The following PSIP1 variants were observed in gnomAD, a reference collection of about 807,000 sequenced individuals.
PSIP1 encodes PC4 and SFRS1-interacting protein.
Under a neutral mutation model 74.7 loss-of-function variants are expected in PSIP1, and 19 were observed. The observed-to-expected ratio is 0.25, with a 90% CI of 0.18 to 0.37. PSIP1 has a LOEUF of 0.37. PSIP1 is among the 10% of genes least tolerant of loss of function. The pLI is 1.00. For synonymous variants in PSIP1, 222 were observed against 195.3 expected, an observed-to-expected ratio of 1.14 and a Z score of -1.14; for missense variants, 601 against 614.3, an observed-to-expected ratio of 0.98 and a Z score of 0.23.
intron 14 of PSIP1, chr9:15,468,388 T>A (rs772288114): frequency 1.4e-6 from 1 of 708,528 alleles, no homozygotes; most frequent in South Asian, 1.4e-5. Context: ...TTATCCAGAG[T>A]CATCTGCCTC....
chr9:15,474,657 A>G (rs573282511), intron 8 of PSIP1, among the ~76,000 whole-genome samples: 1 of 152,300 alleles, frequency 6.6e-6, no homozygotes, highest in African/African-American at 2.4e-5. Context: ...GCACCTAAGT[A>G]TTCCCATCAC....
intron 6 of PSIP1, among the ~76,000 whole-genome samples, chr9:15,483,064 C>T (rs1459692011): frequency 6.6e-6 from 1 of 152,148 alleles, no homozygotes; most frequent in African/African-American, 2.4e-5. Flanking sequence ...AACCTTTCCC[C>T]CTCTCCATTA....
At chr9:15,468,570 AAGC>A in intron 14 of PSIP1, 57 bp downstream of exon 14, 1 of 1,544,908 alleles carries the variant, frequency 6.5e-7, no homozygotes, top group Non-Finnish European at 8.9e-7. Flanking sequence ...CCATTTTTAA[AAGC>A]AGTCCTGGCA....
At chr9:15,484,690 G>A (rs2036482477) in intron 6 of PSIP1, among the ~76,000 whole-genome samples, 1 of 151,610 alleles carries the variant, frequency 6.6e-6, no homozygotes, top group African/African-American at 2.4e-5. Context: ...TGGCGCCACT[G>A]CACTTCAGCT....
In PSIP1 at chr9:15,491,724, C is replaced by T. The variant is rs960350725; in HGVS notation, c.150-1600G>A. On this transcript the variant is annotated intron_variant, in intron 3 of 15. Transcript: ENST00000380733. Reference sequence around the variant, plus strand: ...CTATAGGTGTGTTAGTCCATTCTCACGCTGCTATGAAGAAATACCAGAGAC... The same window carrying T: ...CTATAGGTGTGTTAGTCCATTCTCATGCTGCTATGAAGAAATACCAGAGAC... 1.5e-4 allele frequency among the ~76,000 whole-genome samples: 23 copies of T among 152,136 alleles called. 1 individual carries two copies. The highest frequency in any genetic ancestry group is 4.8e-4 in the African/African-American group (20 of 41,418).
chr9:15,482,690 G>C (rs1245380272), intron 6 of PSIP1, among the ~76,000 whole-genome samples: 1 of 152,086 alleles, frequency 6.6e-6, no homozygotes. Context: ...ATTTTGCAGA[G>C]AAAAAGTGTT....
chr9:15,499,197 T>A (rs763742129), intron 3 of PSIP1, among the ~76,000 whole-genome samples: 6 of 152,204 alleles, frequency 3.9e-5, no homozygotes, highest in Non-Finnish European at 8.8e-5. Flanking sequence ...GACTTTCCTT[T>A]AACCATTGTA....
chr9:15,490,715 A>T (rs1193101316), intron 3 of PSIP1, among the ~76,000 whole-genome samples: 1 of 151,642 alleles, frequency 6.6e-6, no homozygotes, highest in Non-Finnish European at 1.5e-5. Context: ...AGGTTAATTC[A>T]ATAAATTTGG....
chr9:15,470,375 G>A (rs540952419), intron 10 of PSIP1, among the ~76,000 whole-genome samples: 9 of 152,174 alleles, frequency 5.9e-5, no homozygotes, highest in Admixed American at 2.6e-4. Context: ...CATGTAACAA[G>A]CAGATTAATG....
chr9:15,501,048 T>C (rs1013004200), intron 3 of PSIP1, among the ~76,000 whole-genome samples: 5 of 152,200 alleles, frequency 3.3e-5, no homozygotes, highest in African/African-American at 1.2e-4. Flanking sequence ...ATTCATGTCA[T>C]GTCTTATTTG....
chr9:15,473,821 A>G (rs2035946068), intron 9 of PSIP1, among the ~76,000 whole-genome samples, 188 bp downstream of exon 9: 1 of 151,894 alleles, frequency 6.6e-6, no homozygotes, highest in Admixed American at 6.6e-5. Context: ...GAATTACTTG[A>G]ATCCAGGAGG....
At chr9:15,481,546 A>C (rs567367055) in intron 6 of PSIP1, among the ~76,000 whole-genome samples, 25 of 152,190 alleles carry the variant, frequency 1.6e-4, no homozygotes, top group African/African-American at 5.8e-4. Context: ...AAATACAAAA[A>C]TAAGTCAGGC....
chr9:15,488,266 G>A (rs1344286099), intron 4 of PSIP1, among the ~76,000 whole-genome samples: 1 of 152,026 alleles, frequency 6.6e-6, no homozygotes, highest in East Asian at 1.9e-4. Flanking sequence ...GGGGGGCAGA[G>A]GCTTCAGTGA....
At chr9:15,469,106 T>G (rs1186324530) in intron 12 of PSIP1, 48 bp from the exon 13 acceptor site, 3 of 1,531,138 alleles carry the variant, frequency 2.0e-6, no homozygotes, top group African/African-American at 1.4e-5. Flanking sequence ...TCTTAACACT[T>G]AAACAATCTG....
chr9:15,475,607 T>C (rs140270246), intron 8 of PSIP1, among the ~76,000 whole-genome samples: 1 of 152,286 alleles, frequency 6.6e-6, no homozygotes, highest in East Asian at 1.9e-4. Flanking sequence ...ATCTTAAGAA[T>C]TATAAAACAT....
rs2036568941 is a variant in PSIP1, at chr9:15,486,704, T to C, written c.393+123A>G. ...TTTACACAAGGAAATAAGCCTTAAATATTTTCTAATTCACTTTTGAAGTAC... is the reference window on the plus strand; with the variant it reads ...TTTACACAAGGAAATAAGCCTTAAACATTTTCTAATTCACTTTTGAAGTAC... On this transcript the variant is annotated intron_variant, in intron 5 of 15. Coordinates refer to ENST00000380733, the MANE Select transcript of PSIP1 (RefSeq NM_033222.5). 3 of 709,734 alleles carry C rather than the reference T, an allele frequency of 4.2e-6. No homozygotes were observed. The South Asian group carries it at 5.1e-5, about 12-fold the overall frequency. The allele number at this position is 709,734 out of a possible 1,614,324, so 44.0% of individuals were successfully genotyped here. A position where few individuals can be genotyped will look rare whatever the true frequency, so the allele number is the denominator to read the frequency against.
chr9:15,490,994 G>A (rs1034791463), intron 3 of PSIP1, among the ~76,000 whole-genome samples: 4 of 152,138 alleles, frequency 2.6e-5, no homozygotes, highest in African/African-American at 9.7e-5. Context: ...AACTGAATTA[G>A]CAAATACACA....
chr9:15,465,174 G>C lies in PSIP1; in HGVS notation c.*346C>G, dbSNP rs971317842. ...CACAGTATTTGGGAAAAGAGGCAAG[G>C]TTTATACAAGTAGCAGTTTTAAAAA... On this transcript the variant is annotated 3_prime_UTR_variant, in exon 16 of 16. Coordinates refer to ENST00000380733, the MANE Select transcript of PSIP1 (RefSeq NM_033222.5). The C allele has an allele frequency of 1.6e-5, 4 of 248,296 alleles. No homozygotes were observed. Among genetic ancestry groups the C allele is most frequent in the Admixed American group, 1.1e-4 (2 of 18,054 alleles). The allele number at this position is 248,296 out of a possible 1,614,324, so 15.4% of individuals were successfully genotyped here. A position where few individuals can be genotyped will look rare whatever the true frequency, so the allele number is the denominator to read the frequency against.
intron 8 of PSIP1, among the ~76,000 whole-genome samples, chr9:15,474,643 A>T (rs1004062371): frequency 6.6e-6 from 1 of 152,158 alleles, no homozygotes; most frequent in African/African-American, 2.4e-5. Context: ...TGCTGTGCTG[A>T]CTAGCACCTA....
Sources: gnomAD v4.1 joint callset for allele counts (sites outside exome capture counted in the v4.1 genomes callset) on GRCh38, gnomAD v4.1.1 for gene constraint, MANE v1.5 for transcripts, NCBI Gene and HGNC (gene_info 2026-07-23, HGNC 2026-07-21) for gene names.